The following FAM13A variants were observed in gnomAD, a reference collection of about 807,000 sequenced individuals.
The protein encoded by FAM13A is protein FAM13A.
FAM13A carries 76 observed loss-of-function variants against 129.6 expected under a neutral mutation model. That is an observed-to-expected ratio of 0.59 (90% CI 0.49 to 0.71). The LOEUF (loss-of-function observed/expected upper bound fraction) is 0.71, where lower values mean the gene tolerates loss of function less well. Among genes scored for constraint, FAM13A ranks in the 30% least tolerant of loss-of-function variants. The probability of loss-of-function intolerance (pLI) is 0.00; values close to 1 mark genes in which losing one functional copy is unlikely to be tolerated. For missense variants in FAM13A, 1,108 were observed against 1,249.3 expected (o/e 0.89, Z 1.70); for synonymous variants, 443 against 449.9 (o/e 0.98, Z 0.20).
chr4:89,026,480 G>A (rs542966273), intron 2 of FAM13A, among the ~76,000 whole-genome samples: 1 of 152,296 alleles, frequency 6.6e-6, no homozygotes, highest in East Asian at 1.9e-4. Flanking sequence ...ATAAAGAACT[G>A]CCTGAGAGTG....
At chr4:88,922,375 C>T (rs1168632556) in intron 5 of FAM13A, among the ~76,000 whole-genome samples, 1 of 152,040 alleles carries the variant, frequency 6.6e-6, no homozygotes, top group Non-Finnish European at 1.5e-5. Flanking sequence ...TGCAATCAAA[C>T]TAGAACTCAG....
intron 10 of FAM13A, among the ~76,000 whole-genome samples, chr4:88,784,531 T>C (rs1723599787): frequency 6.6e-6 from 1 of 152,188 alleles, no homozygotes; most frequent in African/African-American, 2.4e-5. Context: ...CATATTTTTT[T>C]CAGGATTTTC....
rs761438394 is a variant in FAM13A at position 88,781,253 on chromosome 4, A to C, written c.1370T>G (p.Phe457Cys). The part of the protein sequence containing the change: ...QEVEKVHKNT[F>C]GCAGERSKPK... ...CTTGCTCCTTTCTCCAGCACAACCA[A>C]AAGTATTTTTGTGTACCTTTTCGAC... The change falls in exon 11 of 24, where the codon TTT (phenylalanine) becomes TGT (cysteine). Residue 457 changes from phenylalanine to cysteine, a missense_variant. Physicochemically the swap from Phe to Cys is radical, Grantham distance 205. Transcript: ENST00000264344. The C allele has an allele frequency of 1.1e-5, 18 of 1,612,884 alleles. No individual in the cohort carries two copies. In the South Asian group the frequency reaches 2.0e-4, roughly 18 times the overall value.
rs190429159 is a variant in FAM13A at position 88,959,691 on chromosome 4, T to C, written c.606-21450A>G. 5.5e-3 allele frequency among the ~76,000 whole-genome samples: 841 copies of C among 152,324 alleles called. 10 individuals are homozygous for C. The highest frequency in any genetic ancestry group is 0.018 in the African/African-American group (765 of 41,580). On this transcript the variant is annotated intron_variant, in intron 4 of 23. Transcript: ENST00000264344. ...GTATTTCTTTACAGCAATGCAAGAA[T>C]GGCTTAACAGTCCACATGGATAATC...
At chr4:88,899,844 A>G (rs1294833259) in intron 6 of FAM13A, among the ~76,000 whole-genome samples, 3 of 152,134 alleles carry the variant, frequency 2.0e-5, no homozygotes, top group Non-Finnish European at 2.9e-5. Context: ...ACTGAGCTAA[A>G]GGAGCATGTT....
intron 11 of FAM13A, among the ~76,000 whole-genome samples, chr4:88,777,064 T>A (rs1466333937): frequency 3.3e-5 from 5 of 152,112 alleles, no homozygotes; most frequent in African/African-American, 1.2e-4. Context: ...AATGCATGAA[T>A]GTGTTGTGAT....
At chr4:88,935,807 C>A (rs1473010558) in intron 5 of FAM13A, among the ~76,000 whole-genome samples, 1 of 152,150 alleles carries the variant, frequency 6.6e-6, no homozygotes, top group Non-Finnish European at 1.5e-5. Context: ...TTGGCACATC[C>A]TTTTGAAATG....
Position 88,781,362 on chromosome 4 carries a change from G to T in FAM13A, c.1272-11C>A. 6.4e-7 allele frequency: 1 copy of T among 1,562,246 alleles called. No homozygotes were observed. The highest frequency in any genetic ancestry group is 8.7e-7 in the Non-Finnish European group (1 of 1,150,950). Reference sequence around the variant, plus strand: ...TTGTTGATAAGTCCCCTTGAATTGAGAAAAAAGCTTAATTTTATTTTAAAA... The same window carrying T: ...TTGTTGATAAGTCCCCTTGAATTGATAAAAAAGCTTAATTTTATTTTAAAA... On this transcript the variant is annotated splice_polypyrimidine_tract_variant and intron_variant, in intron 10 of 23. Transcript: ENST00000264344.
Position 88,728,609 on chromosome 4 carries a change from T to C in FAM13A, c.2996A>G (p.Tyr999Cys), listed in dbSNP as rs772036495. The part of the protein sequence containing the change: ...RTPMAEEYSE[Y>C]KHIKAKLRLL... ...CCTCAGTTTCGCCTTTATGTGCTTATATTCACTGTATTCTTCAGCCATAGG... is the reference window on the plus strand; with the variant it reads ...CCTCAGTTTCGCCTTTATGTGCTTACATTCACTGTATTCTTCAGCCATAGG... The change falls in exon 24 of 24, where the codon TAT becomes TGT. Residue 999 changes from tyrosine to cysteine, a missense_variant. By Grantham distance (194) the Tyr-to-Cys change is radical. Around this residue, in one of 3 missense-constraint regions of FAM13A, gnomAD observed 529 missense variants for 621.2 expected, o/e 0.85. Coordinates refer to ENST00000264344, the MANE Select transcript of FAM13A (RefSeq NM_014883.4). The C allele has an allele frequency of 1.9e-6, 3 of 1,614,200 alleles. No individual in the cohort carries two copies. The highest frequency in any genetic ancestry group is 2.5e-6 in the Non-Finnish European group (3 of 1,179,996).
At chr4:88,743,719 G>A (rs752088589) in intron 19 of FAM13A, among the ~76,000 whole-genome samples, 6 of 152,224 alleles carry the variant, frequency 3.9e-5, no homozygotes, top group African/African-American at 9.6e-5. Context: ...ATAGGGTTTC[G>A]CCAAGTTGTC....
At chr4:88,841,622 A>T (rs1735849572) in intron 7 of FAM13A, among the ~76,000 whole-genome samples, 1 of 152,202 alleles carries the variant, frequency 6.6e-6, no homozygotes, top group Non-Finnish European at 1.5e-5. Flanking sequence ...TAAGACATTT[A>T]TCTAAAGAAG....
At chr4:88,994,658 A>G (rs1763312110) in intron 3 of FAM13A, among the ~76,000 whole-genome samples, 1 of 152,026 alleles carries the variant, frequency 6.6e-6, no homozygotes, top group South Asian at 2.1e-4. Context: ...TGGGCAACAT[A>G]GCGAAACCTC....
intron 18 of FAM13A, 100 bp downstream of exon 18, chr4:88,747,531 A>G (rs113056068): frequency 1.8e-5 from 17 of 964,618 alleles, no homozygotes; most frequent in African/African-American, 1.5e-4. Context: ...AAGGCTTAAC[A>G]AGGCATCATC....
Position 89,049,082 on chromosome 4 carries a change from G to GA in FAM13A, c.27+7855_27+7856insT, listed in dbSNP as rs553305519. Among the ~76,000 whole-genome samples the GA allele has an allele frequency of 1.9e-3, 284 of 152,268 alleles. 4 individuals carry two copies. The highest frequency in any genetic ancestry group is 6.8e-3 in the Middle Eastern group (2 of 294). ...GGAATGTAAAGTTAAAAACAGAATAGTGTTTTGAATTTTTATAAAATTACA... is the reference window on the plus strand; with the variant it reads ...GGAATGTAAAGTTAAAAACAGAATAGATGTTTTGAATTTTTATAAAATTACA... On this transcript the variant is annotated intron_variant, in intron 1 of 23. Coordinates refer to ENST00000264344, the MANE Select transcript of FAM13A (RefSeq NM_014883.4).
intron 3 of FAM13A, among the ~76,000 whole-genome samples, chr4:89,007,053 G>A (rs11726220): frequency 5.0e-4 from 76 of 152,234 alleles, no homozygotes; most frequent in Middle Eastern, 6.8e-3. Context: ...TTAGGGTCAT[G>A]GGTCCAGGCT....
intron 8 of FAM13A, among the ~76,000 whole-genome samples, chr4:88,793,647 T>C (rs1725615520): frequency 6.6e-6 from 1 of 151,944 alleles, no homozygotes; most frequent in Non-Finnish European, 1.5e-5. Context: ...TGGGTTGGTT[T>C]CTTCACATAG....
At chr4:88,753,668 T>C in intron 14 of FAM13A, 1 of 887,556 alleles carries the variant, frequency 1.1e-6, no homozygotes, top group Non-Finnish European at 1.3e-6. Flanking sequence ...GTCTTATAAT[T>C]TAAGGCTTCT....
intron 6 of FAM13A, among the ~76,000 whole-genome samples, chr4:88,882,521 T>A (rs1229701865): frequency 6.6e-6 from 1 of 151,536 alleles, no homozygotes; most frequent in Non-Finnish European, 1.5e-5. Flanking sequence ...TAAAAGGAGC[T>A]CTAAATTTTG....
chr4:88,823,373 C>T (rs911555045), intron 7 of FAM13A: 2 of 983,500 alleles, frequency 2.0e-6, no homozygotes, highest in Non-Finnish European at 2.5e-6. Context: ...GTCCCTCCTC[C>T]TCCTCTTCCT....
Sources: allele counts gnomAD v4.1 joint callset (sites outside exome capture counted in the v4.1 genomes callset), GRCh38; gene constraint gnomAD v4.1.1; regional missense constraint gnomAD v4.1.1; transcripts MANE v1.5; gene names NCBI Gene and HGNC (gene_info 2026-07-23, HGNC 2026-07-21).